The following SUV39H2 variants were observed in gnomAD, a reference collection of about 807,000 sequenced individuals.
SUV39H2 encodes histone-lysine N-methyltransferase SUV39H2.
In SUV39H2, 10 loss-of-function variants were observed where a neutral mutation model predicts 47.5. The observed-to-expected ratio is 0.21, with a 90% confidence interval of 0.13 to 0.36. The LOEUF (loss-of-function observed/expected upper bound fraction) is 0.36. SUV39H2 is among the 10% of genes least tolerant of loss of function. The pLI is 1.00. For missense variants in SUV39H2, 266 were observed against 487.4 expected (o/e 0.55, Z 4.28); for synonymous variants, 159 against 166.8 (o/e 0.95, Z 0.36).
chr10:14,889,591 G>A (rs1317890192), intron 2 of SUV39H2, among the ~76,000 whole-genome samples: 1 of 152,196 alleles, frequency 6.6e-6, no homozygotes, highest in East Asian at 1.9e-4. Context: ...GGCCATGGAA[G>A]GCTGGCAGTT....
intron 1 of SUV39H2, among the ~76,000 whole-genome samples, chr10:14,881,089 T>G (rs1039773615): frequency 6.6e-6 from 1 of 152,228 alleles, no homozygotes; most frequent in Admixed American, 6.5e-5. Flanking sequence ...ATTTTAGATA[T>G]GTTTTTAAGA....
chr10:14,878,968 C>T, intron 1 of SUV39H2, 49 bp downstream of exon 1: 2 of 1,388,330 alleles, frequency 1.4e-6, no homozygotes, highest in Non-Finnish European at 9.4e-7. Flanking sequence ...CAGGCAAGCT[C>T]CCAAGGCCCG....
chr10:14,880,396 C>T (rs1833007806), intron 1 of SUV39H2, among the ~76,000 whole-genome samples: 1 of 152,152 alleles, frequency 6.6e-6, no homozygotes. Context: ...AAAAGGTGAT[C>T]GCAACTACCT....
intron 2 of SUV39H2, among the ~76,000 whole-genome samples, chr10:14,892,110 C>T (rs1833408106): frequency 6.6e-6 from 1 of 152,086 alleles, no homozygotes; most frequent in Non-Finnish European, 1.5e-5. Context: ...GCAGTCTCAG[C>T]AAGGAAAATA....
intron 2 of SUV39H2, among the ~76,000 whole-genome samples, chr10:14,893,379 G>A (rs933048359): frequency 7.9e-5 from 12 of 152,090 alleles, no homozygotes; most frequent in East Asian, 1.9e-4. Flanking sequence ...TGATTCACCC[G>A]CCTTGGCCGG....
rs560109337 is a variant in SUV39H2, at chr10:14,903,941, A to G, written c.*1429A>G. 2.0e-5 allele frequency: 3 copies of G among 152,182 alleles called. No individual in the cohort carries two copies. Among genetic ancestry groups the G allele is most frequent in the South Asian group, 2.1e-4 (1 of 4,826 alleles). 9.4% of individuals were successfully genotyped at this position (152,182 alleles called of 1,614,324 possible). A position where few individuals can be genotyped will look rare whatever the true frequency, so the allele number is the denominator to read the frequency against. On this transcript the variant is annotated 3_prime_UTR_variant, in exon 6 of 6. Transcript: ENST00000354919. ...TTCATTATATTGCTATGACAACTTC[A>G]CTCTTTCATAATATATAGGATAAAT...
At chr10:14,894,776 C>T (rs1241885761) in intron 2 of SUV39H2, among the ~76,000 whole-genome samples, 1 of 152,204 alleles carries the variant, frequency 6.6e-6, no homozygotes, top group African/African-American at 2.4e-5. Flanking sequence ...GGGTGGGCGC[C>T]TGGTTCCTGC....
intron 2 of SUV39H2, among the ~76,000 whole-genome samples, chr10:14,883,988 C>G (rs1833127940): frequency 6.6e-6 from 1 of 152,160 alleles, no homozygotes; most frequent in Non-Finnish European, 1.5e-5. Flanking sequence ...AGGGTTCATT[C>G]ATGTTGTGAA....
rs779326231 is a variant in SUV39H2 at position 14,897,143 on chromosome 10, A to G, written c.475A>G (p.Thr159Ala). 6.2e-7 allele frequency: 1 copy of G among 1,613,744 alleles called. No homozygotes were observed. Among genetic ancestry groups the G allele is most frequent in the Non-Finnish European group, 8.5e-7 (1 of 1,179,956 alleles). ...NHKGMIFVEN[T>A]VDLEGPPSDF... ...TAAAGGAATGATATTTGTTGAAAAT[A>G]CTGTTGATTTAGAGGGCCCACCTTC... is the stretch of plus-strand genomic sequence containing the variant. Residue 159 changes from threonine (T) to alanine (A), a missense_variant, in exon 3 of 6, where the codon ACT becomes GCT. Transcript: ENST00000354919.
chr10:14,904,315 ATTTTTTTT>A (rs35999949), downstream of SUV39H2: 132 of 77,798 alleles, frequency 1.7e-3, 1 homozygote, highest in South Asian at 5.4e-3. Flanking sequence ...AAAAAAAAAA[ATTTTTTTT>A]TTTTTTTTTT....
At chr10:14,893,963 A>G (rs1309286662) in intron 2 of SUV39H2, among the ~76,000 whole-genome samples, 1 of 152,218 alleles carries the variant, frequency 6.6e-6, no homozygotes, top group East Asian at 1.9e-4. Flanking sequence ...ACCCAGGGCT[A>G]TGATAGGAAA....
At chr10:14,897,675 C>A in intron 3 of SUV39H2, 158 bp downstream of exon 3, 2 of 579,630 alleles carry the variant, frequency 3.5e-6, no homozygotes, top group Non-Finnish European at 5.1e-6. Flanking sequence ...AGTTCACTGG[C>A]ATATTTAGAA....
chr10:14,880,181 C>T (rs1318455471), intron 1 of SUV39H2: 2 of 152,244 alleles, frequency 1.3e-5, no homozygotes, highest in Admixed American at 6.5e-5. Context: ...CAATCAGCCT[C>T]TTCCCCCACG....
intron 2 of SUV39H2, among the ~76,000 whole-genome samples, chr10:14,896,333 T>G (rs888107635): frequency 2.0e-5 from 3 of 152,204 alleles, no homozygotes; most frequent in African/African-American, 7.2e-5. Context: ...ATAACCGTAT[T>G]GGATAGTTCA....
At chr10:14,880,343 C>T (rs1161285535) in intron 1 of SUV39H2, among the ~76,000 whole-genome samples, 1 of 152,152 alleles carries the variant, frequency 6.6e-6, no homozygotes, top group Admixed American at 6.5e-5. Flanking sequence ...AAGTTATTGC[C>T]ACTAACAAGT....
chr10:14,901,016 A>C, intron 4 of SUV39H2, 117 bp from the exon 5 acceptor site: 8 of 1,376,424 alleles, frequency 5.8e-6, no homozygotes, highest in Non-Finnish European at 7.9e-6. Context: ...GCAATAAGCA[A>C]CTTAATTTCC....
chr10:14,893,435 T>C (rs1833461853), intron 2 of SUV39H2, among the ~76,000 whole-genome samples: 1 of 152,180 alleles, frequency 6.6e-6, no homozygotes, highest in South Asian at 2.1e-4. Context: ...CCAAATTACA[T>C]AGGAGTGATT....
intron 2 of SUV39H2, among the ~76,000 whole-genome samples, chr10:14,885,222 T>A (rs1230543984): frequency 6.6e-6 from 1 of 152,176 alleles, no homozygotes; most frequent in African/African-American, 2.4e-5. Flanking sequence ...CATTGCGAAC[T>A]GGATACCCTA....
At chr10:14,892,190 G>A (rs113414062) in intron 2 of SUV39H2, among the ~76,000 whole-genome samples, 320 of 152,292 alleles carry the variant, frequency 2.1e-3, no homozygotes, top group African/African-American at 7.2e-3. Flanking sequence ...TAAAATAAGA[G>A]AAGGGCTGAA....
Sources: gnomAD v4.1 joint callset for allele counts (sites outside exome capture counted in the v4.1 genomes callset) on GRCh38, gnomAD v4.1.1 for gene constraint, MANE v1.5 for transcripts, NCBI Gene and HGNC (gene_info 2026-07-23, HGNC 2026-07-21) for gene names.